MYB: variants seen among roughly 807,000 people sequenced by gnomAD.
MYB encodes transcriptional activator Myb.
MYB carries 28 observed loss-of-function variants against 92.9 expected under a neutral mutation model. The ratio of observed to expected loss-of-function variants is 0.30; its 90% CI spans 0.22 to 0.41. MYB has a LOEUF of 0.41. Among genes scored for constraint, MYB ranks in the 10% least tolerant of loss-of-function variants. The probability of loss-of-function intolerance (pLI) is 1.00; values close to 1 mark genes in which losing one functional copy is unlikely to be tolerated. For missense variants in MYB, 679 were observed against 929.3 expected, an observed-to-expected ratio of 0.73 and a Z score of 3.50; for synonymous variants, 295 against 329.1, an observed-to-expected ratio of 0.90 and a Z score of 1.12.
intron 2 of MYB, among the ~76,000 whole-genome samples, chr6:135,187,384 C>T (rs1343564034): frequency 6.6e-6 from 1 of 152,164 alleles, no homozygotes; most frequent in Non-Finnish European, 1.5e-5. Flanking sequence ...TGTACTGAAT[C>T]TAGCACTGGA....
Position 135,195,816 on chromosome 6 carries a change from T to G in MYB, c.1017T>G (p.His339Gln), listed in dbSNP as rs775709886. 7 of 1,613,970 alleles carry G rather than the reference T, an allele frequency of 4.3e-6. No homozygotes were observed. In the South Asian group the frequency reaches 6.6e-5, roughly 15 times the overall value. ...STTIADHTRP[H>Q]GDSAPVSCLG... The stretch of plus-strand genomic sequence containing the variant: ...CCATTGCCGACCACACCAGACCTCA[T>G]GGAGACAGTGCACCTGTTTCCTGTT... Residue 339 changes from histidine (H) to glutamine (Q), a missense_variant, in exon 9 of 16, where the codon CAT becomes CAG. By Grantham distance (24) the His-to-Gln change is conservative (BLOSUM62 0). Coordinates refer to ENST00000341911, the MANE Select transcript of MYB (RefSeq NM_001130173.2).
chr6:135,211,173 C>T (rs1223352019), intron 15 of MYB, among the ~76,000 whole-genome samples: 2 of 148,844 alleles, frequency 1.3e-5, no homozygotes, highest in African/African-American at 2.5e-5. Context: ...GAGATCTTTC[C>T]GAGCCTTTTT....
In MYB at chr6:135,181,452, C is replaced by T; in HGVS notation, c.-62C>T. 3.7e-6 allele frequency: 4 copies of T among 1,087,786 alleles called. No individual in the cohort carries two copies. Among genetic ancestry groups the T allele is most frequent in the Non-Finnish European group, 3.4e-6 (3 of 889,486 alleles). 67.4% of individuals were successfully genotyped at this position (1,087,786 alleles called of 1,614,324 possible). ...AGGGACGCAGGCAGGCGGCGGGCAG[C>T]GGGAGGCGGCAGCCCGGTGCGGTCC... On this transcript the variant is annotated 5_prime_UTR_variant, in exon 1 of 16. Transcript: ENST00000341911. The surrounding 1 kb of genome is among the most constrained non-coding windows in gnomAD (Gnocchi z 5.3).
rs1583220446 is a variant in MYB, at chr6:135,182,542, C to T, written c.23+1006C>T. On this transcript the variant is annotated intron_variant, in intron 1 of 15. Transcript: ENST00000341911. The surrounding 1 kb of genome is among the most constrained non-coding windows in gnomAD (Gnocchi z 5.6). ...GGGCTCTGCCCCCAGGCGAAAGGTC[C>T]CTGCGCGGCGCGCACACGTGGATGC... 6.6e-6 allele frequency among the ~76,000 whole-genome samples: 1 copy of T among 152,318 alleles called. No individual in the cohort carries two copies. Among genetic ancestry groups the T allele is most frequent in the East Asian group, 1.9e-4 (1 of 5,168 alleles).
chr6:135,184,287 C>G (rs1775598009), intron 1 of MYB, among the ~76,000 whole-genome samples: 1 of 137,890 alleles, frequency 7.3e-6, no homozygotes, highest in Non-Finnish European at 1.6e-5. Flanking sequence ...ATGAATCTTT[C>G]AAAAGATGCA....
intron 15 of MYB, among the ~76,000 whole-genome samples, chr6:135,207,545 G>C (rs1205851499): frequency 6.6e-6 from 1 of 152,070 alleles, no homozygotes; most frequent in Non-Finnish European, 1.5e-5. Context: ...GGCCATTATG[G>C]TTTTGCTTCT....
At chr6:135,199,645 A>G in intron 11 of MYB, 1 of 623,600 alleles carries the variant, frequency 1.6e-6, no homozygotes, top group Non-Finnish European at 2.1e-6. Flanking sequence ...AGAAAGTGTG[A>G]ATTATCAGAA....
chr6:135,200,573 A>C lies in MYB; in HGVS notation c.1950+158A>C, dbSNP rs1484946387. On this transcript the variant is annotated intron_variant, in intron 13 of 15. Transcript: ENST00000341911. ...CAGCGAAAAGGTACTGCCAGACTGT[A>C]GGCATCATCAACCTTTCCTTTGGGA... 7.7e-6 allele frequency: 8 copies of C among 1,034,302 alleles called. No individual in the cohort carries two copies. In the Admixed American group the frequency reaches 1.5e-4, roughly 19 times the overall value. 64.1% of individuals were successfully genotyped at this position (1,034,302 alleles called of 1,614,324 possible). A position where few individuals can be genotyped will look rare whatever the true frequency, so the allele number is the denominator to read the frequency against.
intron 15 of MYB, among the ~76,000 whole-genome samples, chr6:135,205,228 G>GTTTT (rs1241796124): frequency 2.7e-5 from 4 of 148,848 alleles, no homozygotes; most frequent in Non-Finnish European, 6.0e-5. Flanking sequence ...AAAAGCTTTT[G>GTTTT]CTTTTTTTTT....
chr6:135,207,735 C>G (rs1247829454), intron 15 of MYB, among the ~76,000 whole-genome samples: 1 of 109,314 alleles, frequency 9.1e-6, no homozygotes, highest in East Asian at 2.6e-4. Context: ...TTTACCTCAT[C>G]TCTTTTTTTT....
chr6:135,186,542 TTC>T (rs1775936773), intron 2 of MYB, among the ~76,000 whole-genome samples: 2 of 152,356 alleles, frequency 1.3e-5, no homozygotes, highest in East Asian at 3.9e-4. Flanking sequence ...TTAATAAATG[TTC>T]TCTCAATAAG....
chr6:135,191,764 C>T (rs2128291666), intron 5 of MYB, among the ~76,000 whole-genome samples: 1 of 152,252 alleles, frequency 6.6e-6, no homozygotes, highest in South Asian at 2.1e-4. Context: ...TCCCATTTTC[C>T]ACTCTCGTCT....
At chr6:135,212,790 GGA>G (rs1469863434) in intron 15 of MYB, among the ~76,000 whole-genome samples, 1 of 152,142 alleles carries the variant, frequency 6.6e-6, no homozygotes. Context: ...TAAAGTTTAG[GGA>G]GAGAGAACAA....
Position 135,194,955 on chromosome 6 carries a change from G to A in MYB, c.948+495G>A, listed in dbSNP as rs1252736586. The stretch of plus-strand genomic sequence containing the variant: ...GCTGCTCTCTTTTATTTGCATGTGT[G>A]AAAGTTATGTGGGCCATTACTGAAT... On this transcript the variant is annotated intron_variant, in intron 8 of 15. Transcript: ENST00000341911. The A allele has an allele frequency of 3.8e-6, 5 of 1,330,844 alleles. No individual in the cohort carries two copies. In the Admixed American group the frequency reaches 1.0e-4, roughly 27 times the overall value. 82.4% of individuals were successfully genotyped at this position (1,330,844 alleles called of 1,614,324 possible).
intron 2 of MYB, among the ~76,000 whole-genome samples, chr6:135,187,455 G>C (rs1319186563): frequency 6.6e-6 from 1 of 152,102 alleles, no homozygotes; most frequent in South Asian, 2.1e-4. Context: ...TATATGCCAG[G>C]CATTATGATA....
rs1299405263 is a variant in MYB at position 135,197,229 on chromosome 6, C to A, written c.1472C>A (p.Ala491Asp). ...AAACGGGGCCAGGCCAGCCCCTTAG[C>A]CACTGGAGACTGTAGCTCCTTCATA... ...RKKRGQASPL[A>D]TGDCSSFIFA... Residue 491 changes from alanine (A) to aspartate (D), a missense_variant, in exon 10 of 16, where the codon GCC becomes GAC. Physicochemically the swap from Ala to Asp is moderately radical, Grantham distance 126 (BLOSUM62 -2). Around this residue, in one of 8 missense-constraint regions of MYB, gnomAD observed 402 missense variants for 434.2 expected, o/e 0.93. Transcript: ENST00000341911. 7 of 1,614,022 alleles carry A rather than the reference C, an allele frequency of 4.3e-6. 1 individual carries two copies. The highest frequency in any genetic ancestry group is 2.2e-5 in the East Asian group (1 of 44,878).
chr6:135,189,463 A>C (rs1173916269), intron 3 of MYB, among the ~76,000 whole-genome samples: 1 of 152,228 alleles, frequency 6.6e-6, no homozygotes, highest in Non-Finnish European at 1.5e-5. Flanking sequence ...AATCTCTATC[A>C]AGCCTCAGGC....
intron 3 of MYB, among the ~76,000 whole-genome samples, chr6:135,188,731 A>C (rs1387206430): frequency 6.6e-6 from 1 of 152,024 alleles, no homozygotes; most frequent in Non-Finnish European, 1.5e-5. Context: ...GCTGGTCCCA[A>C]ACTCCTGACC....
intron 7 of MYB, 44 bp downstream of exon 7, chr6:135,193,962 A>G: frequency 6.9e-7 from 1 of 1,443,500 alleles, no homozygotes; most frequent in Non-Finnish European, 9.7e-7. Context: ...CACTTTTAAG[A>G]AATGCTTATT....
Sources: allele counts gnomAD v4.1 joint callset (sites outside exome capture counted in the v4.1 genomes callset), GRCh38; gene constraint gnomAD v4.1.1; regional missense constraint gnomAD v4.1.1; non-coding constraint Gnocchi (gnomAD v3.1); transcripts MANE v1.5; gene names NCBI Gene and HGNC (gene_info 2026-07-23, HGNC 2026-07-21).